Variants in VWDE observed in about 807,000 individuals in gnomAD.
VWDE encodes von Willebrand factor D and EGF domains.
VWDE carries 207 observed loss-of-function variants against 178.4 expected under a neutral mutation model. The observed-to-expected ratio is 1.16, with a 90% CI of 1.04 to 1.30. The LOEUF (loss-of-function observed/expected upper bound fraction) is 1.30. VWDE is among the 50% of genes most tolerant of loss of function. VWDE has a pLI of 0.00. For synonymous variants in VWDE, 738 were observed against 651.4 expected, an observed-to-expected ratio of 1.13 and a Z score of -2.02; for missense variants, 2,287 against 1,901.3, an observed-to-expected ratio of 1.20 and a Z score of -3.77.
Position 12,357,291 on chromosome 7 carries a change from C to G in VWDE, c.3499G>C (p.Asp1167His), listed in dbSNP as rs1234346752. 3 of 1,552,124 alleles carry G rather than the reference C, an allele frequency of 1.9e-6. No homozygotes were observed. Among genetic ancestry groups the G allele is most frequent in the African/African-American group, 1.4e-5 (1 of 73,024 alleles). The change falls in exon 17 of 29, where the codon GAT (aspartate) becomes CAT (histidine). Residue 1167 changes from aspartate to histidine, a missense_variant. Coordinates refer to ENST00000275358, the MANE Select transcript of VWDE (RefSeq NM_001135924.3). ...QITVRLNDDCDAETRVTIEVT... is the reference protein window; with the variant it reads ...QITVRLNDDCHAETRVTIEVT... ...TCAATCGTGACTCTAGTTTCAGCAT[C>G]GCAGTCATCATTAAGGCGTACAGTA...
rs1782243081 is a variant in VWDE at position 12,356,255 on chromosome 7, C to T, written c.3601G>A (p.Val1201Met). The T allele has an allele frequency of 6.4e-7, 1 of 1,551,514 alleles. No homozygotes were observed. Residue 1201 changes from valine (V) to methionine (M), a missense_variant, in exon 18 of 29, where the codon GTG becomes ATG. Val to Met is a conservative substitution (Grantham distance 21, BLOSUM62 1). Transcript: ENST00000275358. Reference protein sequence around the residue: ...SDRNFSPGSGVYLCVCLPGFH... With the variant: ...SDRNFSPGSGMYLCVCLPGFH... ...CCAGGCAAGCAGACACACAGGTACACTCCACTCCCTGGAGAAAAGTTCCTA... is the reference window on the plus strand; with the variant it reads ...CCAGGCAAGCAGACACACAGGTACATTCCACTCCCTGGAGAAAAGTTCCTA...
chr7:12,344,347 T>G, intron 20 of VWDE, 27 bp downstream of exon 20: 1 of 1,550,122 alleles, frequency 6.5e-7, no homozygotes, highest in Non-Finnish European at 8.7e-7. Flanking sequence ...CAATTTATCA[T>G]GCAAACTAAT....
At chr7:12,389,885 G>A (rs1353753084) in intron 2 of VWDE, among the ~76,000 whole-genome samples, 1 of 152,166 alleles carries the variant, frequency 6.6e-6, no homozygotes, top group Non-Finnish European at 1.5e-5. Flanking sequence ...CAGTTTGGTG[G>A]GGTGCGGTGG....
Position 12,389,329 on chromosome 7 carries a change from G to A in VWDE, c.273C>T (p.Ile91=), listed in dbSNP as rs1367069122. 6.5e-7 allele frequency: 1 copy of A among 1,549,444 alleles called. No homozygotes were observed. The highest frequency in any genetic ancestry group is 8.7e-7 in the Non-Finnish European group (1 of 1,145,180). ...TTTCTGAATCTCTCAGAGACAGCCA[G>A]ATGGGGGCCTGAGTTCCACAATGGT... ...EMNHCGTQAP[I]WLSLRDSETL... Residue 91 remains isoleucine, a synonymous_variant, in exon 3 of 29, where the codon ATC becomes ATT. Coordinates refer to ENST00000275358, the MANE Select transcript of VWDE (RefSeq NM_001135924.3).
At chr7:12,371,360 G>T (rs991039159) in intron 10 of VWDE, among the ~76,000 whole-genome samples, 4 of 152,022 alleles carry the variant, frequency 2.6e-5, no homozygotes, top group African/African-American at 9.7e-5. Flanking sequence ...AGGTAGCTTG[G>T]GGAGTTGGCA....
intron 12 of VWDE, among the ~76,000 whole-genome samples, chr7:12,367,889 T>C (rs1319156057): frequency 6.6e-6 from 1 of 152,128 alleles, no homozygotes; most frequent in Non-Finnish European, 1.5e-5. Flanking sequence ...TAGTTAGTAA[T>C]GCAATGTATT....
intron 26 of VWDE, among the ~76,000 whole-genome samples, chr7:12,336,688 A>T (rs1032961866): frequency 2.0e-5 from 3 of 152,298 alleles, no homozygotes; most frequent in Non-Finnish European, 4.4e-5. Flanking sequence ...AGAAGTCAGT[A>T]ATTTTTAAAA....
In VWDE at chr7:12,340,209, TCTGGG is replaced by T. The variant is rs1583274575; in HGVS notation, c.4366+108_4366+112del. The T allele has an allele frequency of 9.0e-6, 7 of 775,124 alleles. No homozygotes were observed. The East Asian group carries it at 1.9e-4, about 21-fold the overall frequency. The allele number at this position is 775,124 out of a possible 1,614,324, so 48.0% of individuals were successfully genotyped here. A position where few individuals can be genotyped will look rare whatever the true frequency, so the allele number is the denominator to read the frequency against. On this transcript the variant is annotated intron_variant, in intron 24 of 28. Coordinates refer to ENST00000275358, the MANE Select transcript of VWDE (RefSeq NM_001135924.3). ...GGCATACTTGAAACATCGCAAGAAT[TCTGGG>T]GAAAAAATCGCATCTTTCCCTTTGA...
At position 12,337,038 on chromosome 7, in the gene VWDE, G is replaced by T. The variant is rs1321931519; in HGVS notation, c.4508C>A (p.Pro1503Gln). ...TCMNGGKCVG[P>Q]STCSCPSGWS... is the part of the protein sequence containing the mutation. ...ACCAGAAGGACAAGAGCAAGTGCTTGGTCCCACACATTTTCCTCCATTCAT... is the reference window on the plus strand; with the variant it reads ...ACCAGAAGGACAAGAGCAAGTGCTTTGTCCCACACATTTTCCTCCATTCAT... Residue 1503 changes from proline to glutamine, a missense_variant, in exon 26 of 29, where the codon CCA becomes CAA. By Grantham distance (76) the Pro-to-Gln change is moderately conservative (BLOSUM62 -1). Coordinates refer to ENST00000275358, the MANE Select transcript of VWDE (RefSeq NM_001135924.3). 1 of 1,551,516 alleles carries T rather than the reference G, an allele frequency of 6.4e-7. No homozygotes were observed. Among genetic ancestry groups the T allele is most frequent in the Admixed American group, 2.0e-5 (1 of 50,996 alleles).
intron 27 of VWDE, among the ~76,000 whole-genome samples, chr7:12,333,946 A>C (rs1780873169): frequency 6.6e-6 from 1 of 152,178 alleles, no homozygotes; most frequent in African/African-American, 2.4e-5. Context: ...AATTTAAAAG[A>C]GACAACCCAG....
rs551115561 is a variant in VWDE at position 12,395,081 on chromosome 7, T to A, written c.59-1303A>T. Among the ~76,000 whole-genome samples the A allele has an allele frequency of 4.6e-5, 7 of 152,044 alleles. No homozygotes were observed. In the South Asian group the frequency reaches 1.5e-3, roughly 32 times the overall value. ...TTTTCCAAATGATCTCTCTACAGAA[T>A]TTTTTTTAGTACAAGATATTGGAAG... On this transcript the variant is annotated intron_variant, in intron 1 of 28. Coordinates refer to ENST00000275358, the MANE Select transcript of VWDE (RefSeq NM_001135924.3).
At position 12,363,159 on chromosome 7, in the gene VWDE, A is replaced by C. The variant is rs144360104; in HGVS notation, c.2899-1638T>G. 2.6e-5 allele frequency among the ~76,000 whole-genome samples: 4 copies of C among 152,244 alleles called. No homozygotes were observed. In the East Asian group the frequency reaches 7.7e-4, roughly 29 times the overall value. On this transcript the variant is annotated intron_variant, in intron 13 of 28. Transcript: ENST00000275358. Reference sequence around the variant, plus strand: ...CTCAAATAAGATATAATACAAAAGGAGTTATTAAGTCTAACTAACTAGCAC... The same window carrying C: ...CTCAAATAAGATATAATACAAAAGGCGTTATTAAGTCTAACTAACTAGCAC...
chr7:12,350,680 C>T (rs887395859), intron 19 of VWDE, among the ~76,000 whole-genome samples: 6 of 152,000 alleles, frequency 3.9e-5, no homozygotes, highest in Middle Eastern at 3.2e-3. Context: ...AGGCTCAACT[C>T]TCTCTCCTGT....
At chr7:12,402,211 A>G (rs1445663679) in intron 1 of VWDE, among the ~76,000 whole-genome samples, 1 of 152,240 alleles carries the variant, frequency 6.6e-6, no homozygotes, top group Non-Finnish European at 1.5e-5. Flanking sequence ...ATTGATAAAT[A>G]TGTTCTAAAA....
chr7:12,333,390 G>T lies in VWDE; in HGVS notation c.4758+75C>A, dbSNP rs1780839972. The stretch of plus-strand genomic sequence containing the variant: ...GGAAATAATAAAAAAACATTAATTA[G>T]TAACAATTACTAAGTAGAAGAGATA... On this transcript the variant is annotated intron_variant, in intron 28 of 28. Coordinates refer to ENST00000275358, the MANE Select transcript of VWDE (RefSeq NM_001135924.3). 3 of 825,452 alleles carry T rather than the reference G, an allele frequency of 3.6e-6. No individual in the cohort carries two copies. In the South Asian group the frequency reaches 7.3e-5, roughly 20 times the overall value. 51.1% of individuals were successfully genotyped at this position (825,452 alleles called of 1,614,324 possible).
chr7:12,399,104 T>C (rs1784760062), intron 1 of VWDE, among the ~76,000 whole-genome samples: 1 of 152,184 alleles, frequency 6.6e-6, no homozygotes, highest in Non-Finnish European at 1.5e-5. Context: ...GCAACACAAA[T>C]GGTTGAAAAG....
intron 13 of VWDE, among the ~76,000 whole-genome samples, chr7:12,366,402 G>A (rs1004945958): frequency 2.6e-5 from 4 of 151,950 alleles, no homozygotes; most frequent in African/African-American, 9.7e-5. Context: ...TTCGCTCCTG[G>A]CACATCACTT....
At position 12,361,167 on chromosome 7, in the gene VWDE, T is replaced by C. The variant is rs774853631; in HGVS notation, c.3139A>G (p.Asn1047Asp). Residue 1047 changes from asparagine to aspartate, a missense_variant, in exon 15 of 29, where the codon AAT becomes GAT. Coordinates refer to ENST00000275358, the MANE Select transcript of VWDE (RefSeq NM_001135924.3). ...CATACCTTTATAGTACATGAGTCATTTTTATAGAGACCACAAACTTGGCAA... is the reference window on the plus strand; with the variant it reads ...CATACCTTTATAGTACATGAGTCATCTTTATAGAGACCACAAACTTGGCAA... ...GACQVCGLYK[N>D]DSCTIKENVC... The C allele has an allele frequency of 1.9e-5, 29 of 1,541,560 alleles. No individual in the cohort carries two copies. Among genetic ancestry groups the C allele is most frequent in the Non-Finnish European group, 2.5e-5 (29 of 1,138,744 alleles).
At chr7:12,375,366 AAT>A in intron 7 of VWDE, 139 bp from the exon 8 acceptor site, 1 of 786,424 alleles carries the variant, frequency 1.3e-6, no homozygotes, top group Non-Finnish European at 2.0e-6. Context: ...TATGGTTGCA[AAT>A]TTTGTCTAAA....
Sources: allele counts gnomAD v4.1 joint callset (sites outside exome capture counted in the v4.1 genomes callset), GRCh38; gene constraint gnomAD v4.1.1; transcripts MANE v1.5; gene names NCBI Gene and HGNC (gene_info 2026-07-23, HGNC 2026-07-21).